MCF2L2: variants seen among roughly 807,000 people sequenced by gnomAD.
The protein encoded by MCF2L2 is MCF.2 cell line derived transforming sequence-like 2.
MCF2L2 carries 102 observed loss-of-function variants against 150.2 expected under a neutral mutation model. The observed-to-expected ratio is 0.68, with a 90% confidence interval of 0.58 to 0.80. The LOEUF (loss-of-function observed/expected upper bound fraction) is 0.80. Ranked by LOEUF, MCF2L2 falls within the 30% of genes least tolerant of loss-of-function variation. MCF2L2 has a pLI of 0.00. For synonymous variants in MCF2L2, 465 were observed against 491.3 expected (o/e 0.95, Z 0.71); for missense variants, 1,256 against 1,372.8 (o/e 0.91, Z 1.34).
chr3:183,408,664 C>T (rs1380306366), intron 1 of MCF2L2, among the ~76,000 whole-genome samples: 3 of 152,194 alleles, frequency 2.0e-5, no homozygotes, highest in African/African-American at 7.2e-5. Flanking sequence ...ATTCTAGCTT[C>T]CCAGGGTATT....
intron 10 of MCF2L2, among the ~76,000 whole-genome samples, chr3:183,309,334 C>G (rs760423209): frequency 5.9e-5 from 9 of 152,048 alleles, no homozygotes; most frequent in Non-Finnish European, 1.2e-4. Context: ...ACCCCCAGCC[C>G]CCTAGTCCAG....
chr3:183,280,187 A>C (rs955426679), intron 14 of MCF2L2, among the ~76,000 whole-genome samples: 1 of 151,930 alleles, frequency 6.6e-6, no homozygotes, highest in African/African-American at 2.4e-5. Flanking sequence ...CAGGCTCTCC[A>C]GGAGCACCTT....
At chr3:183,336,824 C>G (rs1047106889) in intron 5 of MCF2L2, among the ~76,000 whole-genome samples, 4 of 151,072 alleles carry the variant, frequency 2.6e-5, no homozygotes, top group Admixed American at 6.6e-5. Flanking sequence ...CCACTGCACT[C>G]CAGCCTGGGC....
chr3:183,303,803 A>G (rs1728970961), intron 10 of MCF2L2, among the ~76,000 whole-genome samples: 2 of 152,142 alleles, frequency 1.3e-5, no homozygotes, highest in South Asian at 4.2e-4. Flanking sequence ...CATCACTCCC[A>G]AGCTTCAAGC....
rs565439865 is a variant in MCF2L2, at chr3:183,204,910, A to C, written c.2884+966T>G. ...TGAAAGAAGCTAGACAGAAAGGGCCATATATGTGATGTGTAGAGAAAACAT... is the reference window on the plus strand; with the variant it reads ...TGAAAGAAGCTAGACAGAAAGGGCCCTATATGTGATGTGTAGAGAAAACAT... On this transcript the variant is annotated intron_variant, in intron 25 of 29. Coordinates refer to ENST00000328913, the MANE Select transcript of MCF2L2 (RefSeq NM_015078.4). Among the ~76,000 whole-genome samples the C allele has an allele frequency of 5.3e-5, 8 of 152,332 alleles. 1 individual carries two copies. In the East Asian group the frequency reaches 1.5e-3, roughly 29 times the overall value.
At chr3:183,315,959 G>T (rs1274281531) in intron 7 of MCF2L2, among the ~76,000 whole-genome samples, 1 of 152,176 alleles carries the variant, frequency 6.6e-6, no homozygotes, top group Non-Finnish European at 1.5e-5. Flanking sequence ...GCCCTTCTTG[G>T]ATTGAGGCAA....
Position 183,267,910 on chromosome 3 carries a change from A to G in MCF2L2, c.1862+8962T>C, listed in dbSNP as rs1367359455. ...CACCCCCGGCATGGTTCTTTGCACC[A>G]ACATTTGGGGAATGCCTACCAGGGG... On this transcript the variant is annotated intron_variant, in intron 15 of 29. Transcript: ENST00000328913. This position sits in a 1 kb window ranked among gnomAD's most constrained non-coding sequence, Gnocchi z 5.5. Among the ~76,000 whole-genome samples the G allele has an allele frequency of 6.6e-6, 1 of 152,190 alleles. No individual in the cohort carries two copies. The highest frequency in any genetic ancestry group is 1.5e-5 in the Non-Finnish European group (1 of 68,020).
chr3:183,350,745 C>A (rs1560034548), intron 3 of MCF2L2, among the ~76,000 whole-genome samples: 2 of 151,852 alleles, frequency 1.3e-5, no homozygotes, highest in Non-Finnish European at 2.9e-5. Context: ...TCTACTAAAA[C>A]TACAAAAAAT....
chr3:183,379,268 A>G lies in MCF2L2; in HGVS notation c.275+29T>C, dbSNP rs540794376. The G allele has an allele frequency of 3.5e-5, 53 of 1,529,206 alleles. No homozygotes were observed. In the East Asian group the frequency reaches 1.2e-3, roughly 36 times the overall value. The allele number at this position is 1,529,206 out of a possible 1,614,324, so 94.7% of individuals were successfully genotyped here. On this transcript the variant is annotated intron_variant, in intron 3 of 29. Transcript: ENST00000328913. ...GAAGTGTGGAATAAAGCCAGTGCCT[A>G]AGGCGGCAGGACACTGTGCTCAGCT... is the stretch of plus-strand genomic sequence containing the variant.
At chr3:183,388,763 G>A (rs572247623) in intron 2 of MCF2L2, among the ~76,000 whole-genome samples, 3 of 152,294 alleles carry the variant, frequency 2.0e-5, no homozygotes, top group Admixed American at 6.5e-5. Context: ...GGGGTGGGGA[G>A]AAATATCCCA....
chr3:183,328,260 C>T (rs1730129774), intron 5 of MCF2L2, among the ~76,000 whole-genome samples: 1 of 152,124 alleles, frequency 6.6e-6, no homozygotes, highest in Non-Finnish European at 1.5e-5. Context: ...AACCAGTAAA[C>T]ATAAGTAAAG....
At chr3:183,310,841 A>C (rs1054701214) in intron 9 of MCF2L2, 74 bp downstream of exon 9, 2 of 973,238 alleles carry the variant, frequency 2.1e-6, no homozygotes, top group Non-Finnish European at 3.2e-6. Flanking sequence ...CCCCATACCA[A>C]AGAGTGAGGA....
At chr3:183,356,585 T>C (rs532525590) in intron 3 of MCF2L2, among the ~76,000 whole-genome samples, 6 of 152,312 alleles carry the variant, frequency 3.9e-5, no homozygotes, top group African/African-American at 1.4e-4. Context: ...AATCTATTTA[T>C]AGGACCCACT....
intron 15 of MCF2L2, among the ~76,000 whole-genome samples, chr3:183,269,229 G>GTTTTTTTTTTTTTTTTTT (rs1305607255): frequency 1.2e-4 from 9 of 77,010 alleles, no homozygotes; most frequent in East Asian, 7.6e-4. Flanking sequence ...CGTTTGGGAA[G>GTTTTTTTTTTTTTTTTTT]CTTTTTTTTT....
intron 2 of MCF2L2, among the ~76,000 whole-genome samples, chr3:183,381,369 C>T (rs1355191145): frequency 6.6e-6 from 1 of 152,144 alleles, no homozygotes; most frequent in Non-Finnish European, 1.5e-5. Context: ...AGGGCCAGCC[C>T]ACTCTGAGAG....
chr3:183,325,701 G>A (rs1193257204), intron 5 of MCF2L2, among the ~76,000 whole-genome samples: 2 of 152,174 alleles, frequency 1.3e-5, no homozygotes, highest in Admixed American at 1.3e-4. Flanking sequence ...ACCTTGCACA[G>A]GGTCTGGAGT....
chr3:183,389,737 T>G lies in MCF2L2; in HGVS notation c.119A>C (p.Glu40Ala). ...QQEVRPLMAVEIIEQLHRQFA... is the reference protein window; with the variant it reads ...QQEVRPLMAVAIIEQLHRQFA... ...TTGTCTGTGAAGTTGTTCTATTATC[T>G]CCACCGCCATCAGGGGTCTGACTTC... Residue 40 changes from glutamate to alanine, a missense_variant, in exon 2 of 30, where the codon GAG becomes GCG. Physicochemically the swap from Glu to Ala is moderately radical, Grantham distance 107. Transcript: ENST00000328913. 1 of 1,614,170 alleles carries G rather than the reference T, an allele frequency of 6.2e-7. No homozygotes were observed.
chr3:183,207,061 G>T (rs1490379451), intron 23 of MCF2L2, among the ~76,000 whole-genome samples: 3 of 152,052 alleles, frequency 2.0e-5, no homozygotes, highest in Non-Finnish European at 4.4e-5. Flanking sequence ...CAAATTAACA[G>T]CTTTAATCAC....
At chr3:183,380,170 C>T (rs561538384) in intron 2 of MCF2L2, among the ~76,000 whole-genome samples, 45 of 152,194 alleles carry the variant, frequency 3.0e-4, no homozygotes, top group African/African-American at 9.9e-4. Flanking sequence ...GCAGAGACCA[C>T]CAAATTCAAT....
Sources: gnomAD v4.1 joint callset for allele counts (sites outside exome capture counted in the v4.1 genomes callset) on GRCh38, gnomAD v4.1.1 for gene constraint, Gnocchi (gnomAD v3.1) non-coding constraint, MANE v1.5 for transcripts, NCBI Gene and HGNC (gene_info 2026-07-23, HGNC 2026-07-21) for gene names.